AKAP17A: variants seen among roughly 807,000 people sequenced by gnomAD.
The protein encoded by AKAP17A is A-kinase anchoring protein 17A.
AKAP17A carries 15 observed loss-of-function variants against 52.2 expected under a neutral mutation model. The ratio of observed to expected loss-of-function variants is 0.29; its 90% CI spans 0.19 to 0.44. The LOEUF (loss-of-function observed/expected upper bound fraction) is 0.44. Ranked by LOEUF, AKAP17A falls within the 20% of genes least tolerant of loss-of-function variation. The probability of loss-of-function intolerance (pLI) is 1.00; values close to 1 mark genes in which losing one functional copy is unlikely to be tolerated. For missense variants in AKAP17A, 1,060 were observed against 1,007.0 expected (o/e 1.05, Z -0.71); for synonymous variants, 514 against 424.7 (o/e 1.21, Z -2.58).
Position 1,601,712 on chromosome X carries a change from A to AC in AKAP17A, c.*119dup. On this transcript the variant is annotated 3_prime_UTR_variant, in exon 5 of 5. Transcript: ENST00000313871. Reference sequence around the variant, plus strand: ...GCAAAGCCAAGACCCTTCTGCAGCCACGAATGTCCACGGAGCCCGCCGGCA... The same window carrying AC: ...GCAAAGCCAAGACCCTTCTGCAGCCACCGAATGTCCACGGAGCCCGCCGGCA... The AC allele has an allele frequency of 1.1e-6, 1 of 951,570 alleles. No individual in the cohort carries two copies. Among genetic ancestry groups the AC allele is most frequent in the Middle Eastern group, 3.6e-4 (1 of 2,812 alleles). The allele number at this position is 951,570 out of a possible 1,614,324, so 58.9% of individuals were successfully genotyped here. A position where few individuals can be genotyped will look rare whatever the true frequency, so the allele number is the denominator to read the frequency against.
chrX:1,597,195 C>T (rs1933046285), intron 3 of AKAP17A, among the ~76,000 whole-genome samples: 1 of 152,176 alleles, frequency 6.6e-6, no homozygotes, highest in South Asian at 2.1e-4. Context: ...CTCCTGGGAG[C>T]AGGTCCATCC....
At chrX:1,598,566 G>C (rs1281176934) in intron 3 of AKAP17A, among the ~76,000 whole-genome samples, 7 of 152,174 alleles carry the variant, frequency 4.6e-5, no homozygotes, top group Non-Finnish European at 8.8e-5. Context: ...GGGAGGCTGA[G>C]CTAGGGAACT....
chrX:1,597,422 A>T (rs1459211304), intron 3 of AKAP17A, among the ~76,000 whole-genome samples: 1 of 152,146 alleles, frequency 6.6e-6, no homozygotes, highest in African/African-American at 2.4e-5. Flanking sequence ...AGGGAGGGAC[A>T]TGCTGCTGCG....
At chrX:1,600,480 G>A (rs1249565245) in intron 4 of AKAP17A, among the ~76,000 whole-genome samples, 179 bp from the exon 5 acceptor site, 2 of 152,100 alleles carry the variant, frequency 1.3e-5, no homozygotes, top group African/African-American at 4.8e-5. Flanking sequence ...GCCGAGGGAT[G>A]GACGGGCTGG....
rs376571789 is a variant in AKAP17A, at chrX:1,593,424, G to C, written c.-19-20G>C. ...GAGGTGGGGGGTGCTGGTGCTGACT[G>C]TCTGCGTCTTATGTTTCAGGCCCAA... On this transcript the variant is annotated intron_variant, in intron 1 of 4. Coordinates refer to ENST00000313871, the MANE Select transcript of AKAP17A (RefSeq NM_005088.3). 6.3e-7 allele frequency: 1 copy of C among 1,586,620 alleles called. No homozygotes were observed. Among genetic ancestry groups the C allele is most frequent in the Non-Finnish European group, 8.6e-7 (1 of 1,164,286 alleles).
intron 4 of AKAP17A, chrX:1,599,710 GCT>G (rs1324542026): frequency 6.3e-6 from 4 of 629,980 alleles, no homozygotes; most frequent in South Asian, 1.9e-5. Flanking sequence ...CAGGGCAGAG[GCT>G]CTCTGTTTCC....
At chrX:1,599,164 G>A in intron 3 of AKAP17A, 28 bp from the exon 4 acceptor site, 1 of 1,605,486 alleles carries the variant, frequency 6.2e-7, no homozygotes, top group African/African-American at 1.3e-5. Context: ...GGCGCTCTCT[G>A]TGACCACCCC....
At position 1,600,794 on chromosome X, in the gene AKAP17A, A is replaced by C. The variant is rs1933321197; in HGVS notation, c.1288A>C (p.Lys430Gln). 2 of 1,587,506 alleles carry C rather than the reference A, an allele frequency of 1.3e-6. No homozygotes were observed. Among genetic ancestry groups the C allele is most frequent in the Middle Eastern group, 1.8e-4 (1 of 5,524 alleles). Reference protein sequence around the residue: ...EKERALGLQRKERELRERLLS... With the variant: ...EKERALGLQRQERELRERLLS... ...GGAGCGCGCGCTGGGCCTGCAGCGG[A>C]AAGAGCGGGAGCTGCGCGAGCGGCT... Residue 430 changes from lysine to glutamine, a missense_variant, in exon 5 of 5, where the codon AAA (lysine) becomes CAA (glutamine). By Grantham distance (53) the Lys-to-Gln change is moderately conservative. This residue lies in a region of AKAP17A where 793 missense variants were observed against 629.9 expected (regional missense o/e 1.26). Coordinates refer to ENST00000313871, the MANE Select transcript of AKAP17A (RefSeq NM_005088.3).
Position 1,600,844 on chromosome X carries a change from G to C in AKAP17A, c.1338G>C (p.Lys446Asn). ...ERLLSILLSK[K>N]PDDSHTHDEL... ...TGCTGAGCATCCTGCTGAGCAAGAAGCCGGACGACAGCCACACACACGACG... is the reference window on the plus strand; with the variant it reads ...TGCTGAGCATCCTGCTGAGCAAGAACCCGGACGACAGCCACACACACGACG... The change falls in exon 5 of 5, where the codon AAG becomes AAC. Residue 446 changes from lysine to asparagine, a missense_variant. Physicochemically the swap from Lys to Asn is moderately conservative, Grantham distance 94 (BLOSUM62 0). Around this residue, in one of 2 missense-constraint regions of AKAP17A, gnomAD observed 793 missense variants for 629.9 expected, o/e 1.26. Transcript: ENST00000313871. 1 of 1,591,706 alleles carries C rather than the reference G, an allele frequency of 6.3e-7. No homozygotes were observed.
chrX:1,592,585 G>A (rs1932857441), intron 1 of AKAP17A, among the ~76,000 whole-genome samples: 1 of 152,012 alleles, frequency 6.6e-6, no homozygotes, highest in Admixed American at 6.6e-5. Flanking sequence ...CCCTTCTTTC[G>A]CACCTCCCAC....
In AKAP17A at chrX:1,595,541, T is replaced by G. The variant is rs1932933812; in HGVS notation, c.911+9T>G. On this transcript the variant is annotated intron_variant, in intron 3 of 4. Transcript: ENST00000313871. ...CAGCGAGCGGAGGAAAGGTACCTTC[T>G]GCGGGAGCGGGCCCTCGGCGCTGGT... is the stretch of plus-strand genomic sequence containing the variant. The G allele has an allele frequency of 6.2e-7, 1 of 1,613,496 alleles. No individual in the cohort carries two copies.
At chrX:1,595,772 T>TGTGC (rs1338993895) in intron 3 of AKAP17A, among the ~76,000 whole-genome samples, 2 of 152,044 alleles carry the variant, frequency 1.3e-5, no homozygotes, top group African/African-American at 4.8e-5. Flanking sequence ...TGTGCCTGTG[T>TGTGC]GTGCGTGCAT....
intron 1 of AKAP17A, among the ~76,000 whole-genome samples, chrX:1,592,006 G>A (rs1202533023): frequency 2.6e-5 from 4 of 151,398 alleles, no homozygotes; most frequent in East Asian, 3.9e-4. Flanking sequence ...GGAAGTAGGG[G>A]TAGGGGCTGG....
At chrX:1,595,089 C>T (rs184180429) in intron 2 of AKAP17A, among the ~76,000 whole-genome samples, 29 of 152,280 alleles carry the variant, frequency 1.9e-4, no homozygotes, top group African/African-American at 3.4e-4. Flanking sequence ...TGTCTCGCAG[C>T]GGTGGCGTGT....
chrX:1,600,939 G>C lies in AKAP17A; in HGVS notation c.1433G>C (p.Cys478Ser), dbSNP rs761878720. Reference protein sequence around the residue: ...LDILQTVSSGCVSATTLHPLG... With the variant: ...LDILQTVSSGSVSATTLHPLG... ...ATCCTGCAGACCGTGTCGTCCGGCT[G>C]TGTGAGCGCCACCACGCTGCACCCC... Residue 478 changes from cysteine to serine, a missense_variant, in exon 5 of 5, where the codon TGT becomes TCT. Coordinates refer to ENST00000313871, the MANE Select transcript of AKAP17A (RefSeq NM_005088.3). The C allele has an allele frequency of 3.3e-5, 52 of 1,579,728 alleles. No homozygotes were observed. The highest frequency in any genetic ancestry group is 1.1e-4 in the Admixed American group (6 of 54,608).
At chrX:1,595,296 T>C (rs1466863913) in intron 2 of AKAP17A, 88 bp from the exon 3 acceptor site, 2 of 1,569,946 alleles carry the variant, frequency 1.3e-6, no homozygotes, top group African/African-American at 2.7e-5. Context: ...CTGAGGCCAC[T>C]CGGCCCTACG....
rs1312931026 is a variant in AKAP17A, at chrX:1,601,317, G to A, written c.1811G>A (p.Ser604Asn). 3 of 1,604,440 alleles carry A rather than the reference G, an allele frequency of 1.9e-6. No individual in the cohort carries two copies. The highest frequency in any genetic ancestry group is 2.5e-6 in the Non-Finnish European group (3 of 1,177,132). ...GCTGACCGGCACAAGCGGGAGAGGA[G>A]CCGGGCCAGGCGGGCCAGCAGCAGG... ...GLADRHKRER[S>N]RARRASSRED... Residue 604 changes from serine to asparagine, a missense_variant, in exon 5 of 5, where the codon AGC becomes AAC. Transcript: ENST00000313871.
chrX:1,592,665 CG>C (rs1932859017), intron 1 of AKAP17A, among the ~76,000 whole-genome samples: 1 of 152,198 alleles, frequency 6.6e-6, no homozygotes, highest in Admixed American at 6.5e-5. Context: ...GGTGGGCGGC[CG>C]GGCCGGAGGC....
Position 1,601,340 on chromosome X carries a change from A to C in AKAP17A, c.1834A>C (p.Arg612=), listed in dbSNP as rs1298959228. The C allele has an allele frequency of 6.3e-7, 1 of 1,597,732 alleles. No individual in the cohort carries two copies. The highest frequency in any genetic ancestry group is 8.5e-7 in the Non-Finnish European group (1 of 1,175,128). The change falls in exon 5 of 5, where the codon AGG becomes CGG. Residue 612 remains arginine (R), a synonymous_variant. Coordinates refer to ENST00000313871, the MANE Select transcript of AKAP17A (RefSeq NM_005088.3). ...GAGCCGGGCCAGGCGGGCCAGCAGC[A>C]GGGAGGACGGGAGGCCACGCAAGGA... ...ERSRARRASS[R]EDGRPRKERR...
Sources: gnomAD v4.1 joint callset for allele counts (sites outside exome capture counted in the v4.1 genomes callset) on GRCh38, gnomAD v4.1.1 for gene constraint, gnomAD v4.1.1 regional missense constraint, MANE v1.5 for transcripts, NCBI Gene and HGNC (gene_info 2026-07-23, HGNC 2026-07-21) for gene names.